The following ITIH6 variants were observed in gnomAD, a reference collection of about 807,000 sequenced individuals.
ITIH6 encodes the protein inter-alpha-trypsin inhibitor heavy chain H6.
ITIH6 carries 60 observed loss-of-function variants against 58.2 expected under a neutral mutation model. The observed-to-expected ratio is 1.03, with a 90% CI of 0.84 to 1.28. ITIH6 has a LOEUF of 1.28. Among genes scored for constraint, ITIH6 ranks in the 50% most tolerant of loss-of-function variants. The pLI, the probability that ITIH6 is intolerant of heterozygous loss-of-function variation, is 0.00. For missense variants in ITIH6, 1,290 were observed against 1,021.1 expected, an observed-to-expected ratio of 1.26 and a Z score of -3.59; for synonymous variants, 493 against 417.4, an observed-to-expected ratio of 1.18 and a Z score of -2.21.
At chrX:54,770,103 C>T (rs951598052) in intron 6 of ITIH6, among the ~76,000 whole-genome samples, 13 of 112,540 alleles carry the variant, frequency 1.2e-4, no homozygotes, top group African/African-American at 4.2e-4. Context: ...TTAAGCCGGT[C>T]TGAAAAGCGC....
rs1928576915 is a variant in ITIH6, at chrX:54,758,966, C to T, written c.1108G>A (p.Ala370Thr). ...TGGTTGCTATGGTTCAGCACTGAAG[C>T]AGCTGCCAGCAGAGCTGAGTTGACG... ...TDVNSALLAA[A>T]SVLNHSNQEP... Residue 370 changes from alanine to threonine, a missense_variant, in exon 8 of 13, where the codon GCT becomes ACT. Physicochemically the swap from Ala to Thr is moderately conservative, Grantham distance 58 (BLOSUM62 0). Coordinates refer to ENST00000218436, the MANE Select transcript of ITIH6 (RefSeq NM_198510.3). The T allele has an allele frequency of 1.7e-6, 2 of 1,178,806 alleles. No homozygotes were observed. Among genetic ancestry groups the T allele is most frequent in the Non-Finnish European group, 2.3e-6 (2 of 877,636 alleles).
intron 5 of ITIH6, among the ~76,000 whole-genome samples, chrX:54,780,359 C>T (rs1341757115): frequency 8.9e-6 from 1 of 111,986 alleles, no homozygotes; most frequent in Non-Finnish European, 1.9e-5. Flanking sequence ...AAATCAATAA[C>T]AAAAGGAACT....
chrX:54,775,230 C>A (rs988157080), intron 5 of ITIH6, among the ~76,000 whole-genome samples: 14 of 111,931 alleles, frequency 1.3e-4, no homozygotes, highest in African/African-American at 4.5e-4. Context: ...CCTCTGCACA[C>A]CTCCCATACC....
chrX:54,785,113 T>G (rs1929218485), intron 5 of ITIH6, among the ~76,000 whole-genome samples: 1 of 109,941 alleles, frequency 9.1e-6, no homozygotes, highest in East Asian at 2.9e-4. Context: ...AAATCTCGCA[T>G]TTTTTAGATC....
In ITIH6 at chrX:54,758,554, C is replaced by T. The variant is rs1417730757; in HGVS notation, c.1520G>A (p.Gly507Glu). The T allele has an allele frequency of 6.6e-6, 8 of 1,210,906 alleles. No individual in the cohort carries two copies. In the South Asian group the frequency reaches 1.4e-4, roughly 21 times the overall value. The change falls in exon 8 of 13, where the codon GGA (glycine) becomes GAA (glutamate). Residue 507 changes from glycine (G) to glutamate (E), a missense_variant. By Grantham distance (98) the Gly-to-Glu change is moderately conservative (BLOSUM62 -2). Transcript: ENST00000218436. ...YFGGSELVVA[G>E]QVQPGKQELG... ...TTCCTGTTTGCCTGGCTGCACCTGT[C>T]CTGCCACCACCAGCTCAGAGCCACC...
chrX:54,786,999 G>A (rs963621407), intron 5 of ITIH6, among the ~76,000 whole-genome samples: 6 of 111,366 alleles, frequency 5.4e-5, no homozygotes, highest in African/African-American at 2.0e-4. Flanking sequence ...GTCAGGAGGG[G>A]TAAGGGCTCA....
At chrX:54,774,735 G>T (rs181637753) in intron 5 of ITIH6, among the ~76,000 whole-genome samples, 1 of 111,968 alleles carries the variant, frequency 8.9e-6, no homozygotes, top group Non-Finnish European at 1.9e-5. Flanking sequence ...TTATTCAGAG[G>T]GGATTGGTTA....
chrX:54,788,042 A>G lies in ITIH6; in HGVS notation c.786+438T>C, dbSNP rs369310429. On this transcript the variant is annotated intron_variant, in intron 5 of 12. Coordinates refer to ENST00000218436, the MANE Select transcript of ITIH6 (RefSeq NM_198510.3). Reference sequence around the variant, plus strand: ...GAATGTGGAAACTCAGAACTGAAGGACTCTCTGTTTAGGCAGATGGCTCCA... The same window carrying G: ...GAATGTGGAAACTCAGAACTGAAGGGCTCTCTGTTTAGGCAGATGGCTCCA... Among the ~76,000 whole-genome samples, 650 of 109,556 alleles carry G rather than the reference A, an allele frequency of 5.9e-3. 9 individuals carry two copies. Among genetic ancestry groups the G allele is most frequent in the African/African-American group, 0.021 (597 of 29,116 alleles).
intron 5 of ITIH6, among the ~76,000 whole-genome samples, chrX:54,778,407 C>G (rs1929092303): frequency 9.0e-6 from 1 of 110,798 alleles, no homozygotes; most frequent in African/African-American, 3.3e-5. Context: ...GTTGTCCAGG[C>G]TGGTCTCAAA....
intron 6 of ITIH6, among the ~76,000 whole-genome samples, chrX:54,761,324 A>G (rs1180727292): frequency 3.6e-5 from 4 of 111,574 alleles, no homozygotes; most frequent in South Asian, 3.8e-4. Context: ...TTCTTTGTAG[A>G]TTCTGGATAT....
At chrX:54,761,534 T>C (rs1928645038) in intron 6 of ITIH6, among the ~76,000 whole-genome samples, 1 of 111,536 alleles carries the variant, frequency 9.0e-6, no homozygotes, top group African/African-American at 3.3e-5. Flanking sequence ...CTGAATGGTA[T>C]TGCCTAGGTT....
rs753547171 is a variant in ITIH6 at position 54,793,138 on chromosome X, T to A, written c.258-1102A>T. On this transcript the variant is annotated intron_variant, in intron 2 of 12. Transcript: ENST00000218436. ...CAGACCCATCCAATTTCTTTTTTTT[T>A]AAATTTTATTATTATTATACTTTAA... Among the ~76,000 whole-genome samples, 169 of 111,611 alleles carry A rather than the reference T, an allele frequency of 1.5e-3. 2 individuals are homozygous for A. The highest frequency in any genetic ancestry group is 4.2e-3 in the African/African-American group (128 of 30,752).
At position 54,790,374 on chromosome X, in the gene ITIH6, T is replaced by C. The variant is rs770184800; in HGVS notation, c.616+463A>G. Among the ~76,000 whole-genome samples, 152 of 112,164 alleles carry C rather than the reference T, an allele frequency of 1.4e-3. 2 individuals are homozygous for C. The highest frequency in any genetic ancestry group is 4.4e-3 in the African/African-American group (136 of 30,923). ...CCTCTAGGTGACATTTGAAGCAAAC[T>C]TCTGAGGCAGGATGCTTCTCTTCCC... On this transcript the variant is annotated intron_variant, in intron 4 of 12. Transcript: ENST00000218436.
chrX:54,770,504 C>T (rs969448509), intron 6 of ITIH6, among the ~76,000 whole-genome samples: 12 of 112,549 alleles, frequency 1.1e-4, no homozygotes, highest in South Asian at 7.3e-4. Flanking sequence ...TCTTAGCATA[C>T]GCATTAGACT....
chrX:54,765,676 T>G (rs1237436843), intron 6 of ITIH6, among the ~76,000 whole-genome samples: 1 of 105,967 alleles, frequency 9.4e-6, no homozygotes, highest in Non-Finnish European at 1.9e-5. Context: ...CAATCTCGGC[T>G]CACTGCAAGC....
chrX:54,773,959 G>T, intron 6 of ITIH6, 122 bp downstream of exon 6: 1 of 394,286 alleles, frequency 2.5e-6, no homozygotes, highest in Non-Finnish European at 4.4e-6. Flanking sequence ...GCCCAAGCCT[G>T]TAAGACTCAA....
At chrX:54,775,069 A>T (rs1228055114) in intron 5 of ITIH6, among the ~76,000 whole-genome samples, 3 of 111,921 alleles carry the variant, frequency 2.7e-5, no homozygotes, top group Non-Finnish European at 5.6e-5. Flanking sequence ...ATGGGAAGAC[A>T]TCTGCTCTTC....
In ITIH6 at chrX:54,797,053, C is replaced by T. The variant is rs768114924; in HGVS notation, c.146G>A (p.Arg49His). The change falls in exon 2 of 13, where the codon CGC becomes CAC. Residue 49 changes from arginine (R) to histidine (H), a missense_variant. By Grantham distance (29) the Arg-to-His change is conservative. Transcript: ENST00000218436. Reference sequence around the variant, plus strand: ...AGAGGTGACCAAGGTGTGGGCATAGCGAGACACCACCGTGGAGCGCATAGA... The same window carrying T: ...AGAGGTGACCAAGGTGTGGGCATAGTGAGACACCACCGTGGAGCGCATAGA... ...SYSMRSTVVSRYAHTLVTSVL... is the reference protein window; with the variant it reads ...SYSMRSTVVSHYAHTLVTSVL... 45 of 1,208,029 alleles carry T rather than the reference C, an allele frequency of 3.7e-5. No homozygotes were observed. Among genetic ancestry groups the T allele is most frequent in the Non-Finnish European group, 4.1e-5 (37 of 893,819 alleles).
intron 6 of ITIH6, among the ~76,000 whole-genome samples, chrX:54,769,556 C>T (rs1363093937): frequency 9.4e-6 from 1 of 106,307 alleles, no homozygotes; most frequent in Admixed American, 1.0e-4. Context: ...GATGGGTTTT[C>T]AGTGTGGATG....
Sources: allele counts gnomAD v4.1 joint callset (sites outside exome capture counted in the v4.1 genomes callset), GRCh38; gene constraint gnomAD v4.1.1; transcripts MANE v1.5; gene names NCBI Gene and HGNC (gene_info 2026-07-23, HGNC 2026-07-21).